ESCO2: variants seen among roughly 807,000 people sequenced by gnomAD.
The protein encoded by ESCO2 is establishment of sister chromatid cohesion N-acetyltransferase 2.
A neutral mutation model predicts 61.7 loss-of-function variants in ESCO2; 51 were observed. The ratio of observed to expected loss-of-function variants is 0.83; its 90% CI spans 0.66 to 1.04. ESCO2 has a LOEUF of 1.04. Among genes scored for constraint, ESCO2 ranks in the 50% least tolerant of loss-of-function variants. ESCO2 has a pLI of 0.00. For synonymous variants in ESCO2, 230 were observed against 238.2 expected, an observed-to-expected ratio of 0.97 and a Z score of 0.32; for missense variants, 692 against 686.2, an observed-to-expected ratio of 1.01 and a Z score of -0.09.
chr8:27,791,671 C>CGGTG (rs1805178746), intron 7 of ESCO2, among the ~76,000 whole-genome samples: 1 of 152,088 alleles, frequency 6.6e-6, no homozygotes, highest in African/African-American at 2.4e-5. Context: ...TCCACCCACC[C>CGGTG]GGGCCTCCCA....
Position 27,775,587 on chromosome 8 carries a change from T to A in ESCO2, c.53+20T>A, listed in dbSNP as rs1240857965. 10 of 1,613,216 alleles carry A rather than the reference T, an allele frequency of 6.2e-6. 1 individual carries two copies. In the Middle Eastern group the frequency reaches 1.2e-3, roughly 187 times the overall value. The stretch of plus-strand genomic sequence containing the variant: ...TGACAGGTGAATCTCAGCCTGTGAA[T>A]AGAAACTCTTAGAAAAATCCACCTT... On this transcript the variant is annotated intron_variant, in intron 2 of 10. Coordinates refer to ENST00000305188, the MANE Select transcript of ESCO2 (RefSeq NM_001017420.3).
Position 27,803,954 on chromosome 8 carries a change from T to C in ESCO2, c.*516T>C. The C allele has an allele frequency of 2.0e-6, 2 of 988,470 alleles. No homozygotes were observed. The highest frequency in any genetic ancestry group is 2.4e-6 in the Non-Finnish European group (2 of 832,280). 61.2% of individuals were successfully genotyped at this position (988,470 alleles called of 1,614,324 possible). ...ATGGGTCTCACTGTGTTGCCCAGGCTGGTCTGAAACTTTTGGGCTCAAGCG... is the reference window on the plus strand; with the variant it reads ...ATGGGTCTCACTGTGTTGCCCAGGCCGGTCTGAAACTTTTGGGCTCAAGCG... On this transcript the variant is annotated 3_prime_UTR_variant, in exon 11 of 11. Coordinates refer to ENST00000305188, the MANE Select transcript of ESCO2 (RefSeq NM_001017420.3).
downstream of ESCO2, among the ~76,000 whole-genome samples, chr8:27,816,343 C>CATATATATATATA (rs1554559819): frequency 1.5e-5 from 2 of 136,370 alleles, no homozygotes; most frequent in African/African-American, 5.8e-5. Context: ...TCATCGAATA[C>CATATATATATATA]TATATATATA....
At chr8:27,772,653 T>A, upstream of ESCO2, 1 of 1,004,768 alleles carries the variant, frequency 1.0e-6, no homozygotes, top group Non-Finnish European at 1.5e-6. Context: ...TCCGTGCACT[T>A]CCGGCGGACG....
downstream of ESCO2, among the ~76,000 whole-genome samples, chr8:27,814,485 TG>T (rs1805772850): frequency 1.3e-5 from 2 of 152,236 alleles, no homozygotes; most frequent in South Asian, 4.1e-4. Flanking sequence ...CTTTTGGCTT[TG>T]TTAATATTTT....
chr8:27,808,295 C>T (rs868363123), downstream of ESCO2: 1 of 921,014 alleles, frequency 1.1e-6, no homozygotes. Flanking sequence ...ATAACAAGCT[C>T]CTGGAGGCTT....
intron 9 of ESCO2, among the ~76,000 whole-genome samples, chr8:27,798,016 T>G (rs1805340486): frequency 6.6e-6 from 1 of 152,136 alleles, no homozygotes; most frequent in Non-Finnish European, 1.5e-5. Context: ...AAAAACTAAA[T>G]ACACACCTGT....
downstream of ESCO2, among the ~76,000 whole-genome samples, chr8:27,807,169 G>A (rs4732756): frequency 0.14 from 21,243 of 151,922 alleles, 1,787 homozygotes; most frequent in East Asian, 0.34. Flanking sequence ...GCAATGGTAG[G>A]GGGCATATTT....
At position 27,776,858 on chromosome 8, in the gene ESCO2, T is replaced by A; in HGVS notation, c.550T>A (p.Ser184Thr). Residue 184 changes from serine to threonine, a missense_variant, in exon 3 of 11, where the codon TCA becomes ACA. By Grantham distance (58) the Ser-to-Thr change is moderately conservative. Coordinates refer to ENST00000305188, the MANE Select transcript of ESCO2 (RefSeq NM_001017420.3). Reference protein sequence around the residue: ...PIVEKENNCHSAENNSNAPRV... With the variant: ...PIVEKENNCHTAENNSNAPRV... ...TGTGGAGAAGGAAAATAATTGTCATTCAGCTGAAAATAATTCCAATGCTCC... is the reference window on the plus strand; with the variant it reads ...TGTGGAGAAGGAAAATAATTGTCATACAGCTGAAAATAATTCCAATGCTCC... 1 of 1,614,110 alleles carries A rather than the reference T, an allele frequency of 6.2e-7. No individual in the cohort carries two copies. The highest frequency in any genetic ancestry group is 8.5e-7 in the Non-Finnish European group (1 of 1,180,022).
At chr8:27,790,269 T>A (rs926649996) in intron 7 of ESCO2, among the ~76,000 whole-genome samples, 2 of 152,256 alleles carry the variant, frequency 1.3e-5, no homozygotes, top group African/African-American at 2.4e-5. Context: ...TTATATATTT[T>A]GAATATCATT....
At chr8:27,784,219 T>C (rs1804988008) in intron 5 of ESCO2, among the ~76,000 whole-genome samples, 162 bp downstream of exon 5, 1 of 152,096 alleles carries the variant, frequency 6.6e-6, no homozygotes, top group South Asian at 2.1e-4. Flanking sequence ...AATCAGTCCC[T>C]CATAGAAACA....
At chr8:27,807,810 C>T (rs10090917), downstream of ESCO2, among the ~76,000 whole-genome samples, 21,288 of 152,108 alleles carry the variant, frequency 0.14, 1,792 homozygotes, top group East Asian at 0.34. Context: ...GTAATACCAT[C>T]GTAAGTAGTG....
At chr8:27,789,456 C>G (rs1296946419) in intron 7 of ESCO2, among the ~76,000 whole-genome samples, 1 of 152,058 alleles carries the variant, frequency 6.6e-6, no homozygotes, top group Admixed American at 6.5e-5. Flanking sequence ...TTTCTGGGTT[C>G]CCATAGTGCT....
At position 27,803,579 on chromosome 8, in the gene ESCO2, T is replaced by C. The variant is rs200666958; in HGVS notation, c.*141T>C. Reference sequence around the variant, plus strand: ...ACACACACACACACGCACACACACATATCACAGTTTTGTTCCTTATGAGTT... The same window carrying C: ...ACACACACACACACGCACACACACACATCACAGTTTTGTTCCTTATGAGTT... On this transcript the variant is annotated 3_prime_UTR_variant, in exon 11 of 11. Coordinates refer to ENST00000305188, the MANE Select transcript of ESCO2 (RefSeq NM_001017420.3). 5.1e-3 allele frequency: 5,885 copies of C among 1,146,310 alleles called. 100 individuals carry two copies. Among genetic ancestry groups the C allele is most frequent in the African/African-American group, 0.05 (2,956 of 59,328 alleles). 71.0% of individuals were successfully genotyped at this position (1,146,310 alleles called of 1,614,324 possible). A position where few individuals can be genotyped will look rare whatever the true frequency, so the allele number is the denominator to read the frequency against.
At position 27,804,197 on chromosome 8, in the gene ESCO2, A is replaced by G. The variant is rs962950425; in HGVS notation, c.*759A>G. 1.2e-5 allele frequency: 12 copies of G among 985,230 alleles called. No individual in the cohort carries two copies. The highest frequency in any genetic ancestry group is 3.5e-5 in the African/African-American group (2 of 57,236). The allele number at this position is 985,230 out of a possible 1,614,324, so 61.0% of individuals were successfully genotyped here. Reference sequence around the variant, plus strand: ...GCAGAATTTGATAGCTTAGTGTTCAATCTTTTTGAAAATAAATGTTTACCT... The same window carrying G: ...GCAGAATTTGATAGCTTAGTGTTCAGTCTTTTTGAAAATAAATGTTTACCT... On this transcript the variant is annotated 3_prime_UTR_variant, in exon 11 of 11. Coordinates refer to ENST00000305188, the MANE Select transcript of ESCO2 (RefSeq NM_001017420.3).
chr8:27,776,442 A>G lies in ESCO2; in HGVS notation c.134A>G (p.Glu45Gly), dbSNP rs1211990821. 6.2e-7 allele frequency: 1 copy of G among 1,607,220 alleles called. No individual in the cohort carries two copies. Among genetic ancestry groups the G allele is most frequent in the Non-Finnish European group, 8.5e-7 (1 of 1,178,138 alleles). ...CFYQNSDKNE[E>G]NLHCSQQEHF... The stretch of plus-strand genomic sequence containing the variant: ...TATCAAAACAGTGATAAAAATGAAG[A>G]AAACCTGCATTGCTCTCAACAAGAG... The change falls in exon 3 of 11, where the codon GAA becomes GGA. Residue 45 changes from glutamate to glycine, a missense_variant. By Grantham distance (98) the Glu-to-Gly change is moderately conservative. Coordinates refer to ENST00000305188, the MANE Select transcript of ESCO2 (RefSeq NM_001017420.3).
intron 10 of ESCO2, among the ~76,000 whole-genome samples, chr8:27,801,069 T>C (rs1240555224): frequency 6.6e-6 from 1 of 152,144 alleles, no homozygotes; most frequent in East Asian, 1.9e-4. Context: ...TGTACACTTT[T>C]AAAGGGTGAG....
downstream of ESCO2, among the ~76,000 whole-genome samples, chr8:27,807,577 G>GT (rs1439546576): frequency 7.2e-5 from 11 of 152,088 alleles, no homozygotes; most frequent in Non-Finnish European, 1.6e-4. Context: ...TGTAGTAAAG[G>GT]TTTTTTCATT....
chr8:27,813,393 A>G (rs575274573), downstream of ESCO2, among the ~76,000 whole-genome samples: 8 of 152,018 alleles, frequency 5.3e-5, no homozygotes, highest in East Asian at 7.7e-4. Flanking sequence ...GCAAACCAAC[A>G]TGGCACATGT....
Sources: allele counts gnomAD v4.1 joint callset (sites outside exome capture counted in the v4.1 genomes callset), GRCh38; gene constraint gnomAD v4.1.1; transcripts MANE v1.5; gene names NCBI Gene and HGNC (gene_info 2026-07-23, HGNC 2026-07-21).